The following HSD17B12 variants were observed in gnomAD, a reference collection of about 807,000 sequenced individuals.
HSD17B12 encodes the protein hydroxysteroid 17-beta dehydrogenase 12, also known as very-long-chain 3-oxoacyl-CoA reductase.
HSD17B12 carries 32 observed loss-of-function variants against 39.3 expected under a neutral mutation model. The ratio of observed to expected loss-of-function variants is 0.81; its 90% CI spans 0.61 to 1.09. The LOEUF (loss-of-function observed/expected upper bound fraction) is 1.09, where lower values mean the gene tolerates loss of function less well. Ranked by LOEUF, HSD17B12 falls within the 50% of genes least tolerant of loss-of-function variation. The pLI, the probability that HSD17B12 is intolerant of heterozygous loss-of-function variation, is 0.00. For synonymous variants in HSD17B12, 150 were observed against 146.7 expected (o/e 1.02, Z -0.16); for missense variants, 342 against 382.9 (o/e 0.89, Z 0.89).
chr11:43,820,288 C>T (rs768332702), intron 6 of HSD17B12, among the ~76,000 whole-genome samples: 3 of 152,174 alleles, frequency 2.0e-5, no homozygotes, highest in Non-Finnish European at 2.9e-5. Flanking sequence ...GGCAGAGTGA[C>T]ACGGTAATAG....
intron 1 of HSD17B12, among the ~76,000 whole-genome samples, chr11:43,743,013 A>C (rs927543097): frequency 6.6e-6 from 1 of 152,172 alleles, no homozygotes; most frequent in Non-Finnish European, 1.5e-5. Flanking sequence ...AATTTATAGA[A>C]TATCTAATAT....
intron 6 of HSD17B12, chr11:43,830,668 T>A: frequency 5.1e-6 from 1 of 196,072 alleles, no homozygotes. Context: ...TTTTGGGAAA[T>A]GTAGATTTTC....
chr11:43,701,641 G>A (rs1949965938), intron 1 of HSD17B12, among the ~76,000 whole-genome samples: 1 of 152,124 alleles, frequency 6.6e-6, no homozygotes, highest in Admixed American at 6.5e-5. Flanking sequence ...TTCACTGTAG[G>A]TGTGCAGATT....
chr11:43,558,049 T>C, the HSD17B12 span, among the ~76,000 whole-genome samples: 2 of 152,338 alleles, frequency 1.3e-5, no homozygotes, highest in South Asian at 4.1e-4. Context: ...TCCCTGCTGC[T>C]GCACAAAGCG....
chr11:43,574,639 GACACACACATCC>G, the HSD17B12 span, among the ~76,000 whole-genome samples: 1 of 152,010 alleles, frequency 6.6e-6, no homozygotes, highest in Non-Finnish European at 1.5e-5. Context: ...CACACCCTGA[GACACACACATCC>G]ACACACACAT....
At chr11:43,596,022 C>G in the HSD17B12 span, among the ~76,000 whole-genome samples, 3 of 152,232 alleles carry the variant, frequency 2.0e-5, no homozygotes, top group African/African-American at 7.2e-5. Context: ...TCAAGACCAT[C>G]CAGCCCAAAC....
the HSD17B12 span, among the ~76,000 whole-genome samples, chr11:43,580,790 TA>T: frequency 2.0e-5 from 3 of 152,036 alleles, no homozygotes; most frequent in Non-Finnish European, 2.9e-5. Context: ...GAAATGGAAA[TA>T]TTTTTTTCTC....
At chr11:43,653,616 G>A in the HSD17B12 span, among the ~76,000 whole-genome samples, 1 of 151,918 alleles carries the variant, frequency 6.6e-6, no homozygotes, top group African/African-American at 2.4e-5. Flanking sequence ...TGTTCTTATT[G>A]TTCTATTCCC....
intron 9 of HSD17B12, among the ~76,000 whole-genome samples, chr11:43,843,974 T>C (rs138495433): frequency 7.9e-5 from 12 of 152,372 alleles, no homozygotes; most frequent in African/African-American, 2.9e-4. Flanking sequence ...AAACTCTGGT[T>C]GTGCATGGTC....
intron 4 of HSD17B12, among the ~76,000 whole-genome samples, chr11:43,800,557 G>A (rs558906826): frequency 1.3e-5 from 2 of 152,268 alleles, no homozygotes; most frequent in East Asian, 3.9e-4. Context: ...ATATGGAAAG[G>A]CTTCAATATG....
chr11:43,643,434 G>A, the HSD17B12 span, among the ~76,000 whole-genome samples: 2 of 152,072 alleles, frequency 1.3e-5, no homozygotes, highest in African/African-American at 4.8e-5. Context: ...TCTCCTGAAA[G>A]AATGAACTCT....
the HSD17B12 span, among the ~76,000 whole-genome samples, chr11:43,581,094 G>T: frequency 6.6e-6 from 1 of 152,152 alleles, no homozygotes; most frequent in East Asian, 1.9e-4. The surrounding 1 kb of genome is among the most constrained non-coding windows in gnomAD (Gnocchi z 4.9). Context: ...ACAGGCAGGC[G>T]GGGAGGCTCC....
At chr11:43,633,982 G>A in the HSD17B12 span, among the ~76,000 whole-genome samples, 1 of 149,054 alleles carries the variant, frequency 6.7e-6, no homozygotes, top group Non-Finnish European at 1.5e-5. Flanking sequence ...GGTGAGGCAG[G>A]AGACTCGCTT....
the HSD17B12 span, among the ~76,000 whole-genome samples, chr11:43,611,099 A>C: frequency 6.6e-6 from 1 of 152,232 alleles, no homozygotes; most frequent in South Asian, 2.1e-4. Flanking sequence ...AGTATGTCAA[A>C]CCGTGAATCC....
chr11:43,681,894 G>A (rs1949749418), intron 1 of HSD17B12, among the ~76,000 whole-genome samples: 4 of 140,132 alleles, frequency 2.9e-5, no homozygotes. Context: ...TCGTCTCTTG[G>A]CCTTTTTTCC....
At chr11:43,822,587 G>GT (rs953845905) in intron 6 of HSD17B12, among the ~76,000 whole-genome samples, 4 of 152,054 alleles carry the variant, frequency 2.6e-5, no homozygotes, top group African/African-American at 4.8e-5. Flanking sequence ...GCGGTGTTTG[G>GT]TTTTTTGGCC....
chr11:43,580,311 G>T, the HSD17B12 span, among the ~76,000 whole-genome samples: 5 of 148,064 alleles, frequency 3.4e-5, no homozygotes, highest in Admixed American at 1.4e-4. Flanking sequence ...TGTGGGGTCA[G>T]GCAGTCAATG....
At chr11:43,772,683 A>G (rs1438750049) in intron 3 of HSD17B12, among the ~76,000 whole-genome samples, 3 of 152,236 alleles carry the variant, frequency 2.0e-5, no homozygotes, top group African/African-American at 7.2e-5. Context: ...GTATGAATGG[A>G]AAATAAGTCC....
intron 3 of HSD17B12, among the ~76,000 whole-genome samples, chr11:43,755,827 C>T (rs1282422444): frequency 3.3e-5 from 5 of 152,052 alleles, no homozygotes; most frequent in Admixed American, 6.6e-5. Context: ...AGAGTGTATT[C>T]GTCTGTTTTT....
Sources: allele counts gnomAD v4.1 joint callset (sites outside exome capture counted in the v4.1 genomes callset), GRCh38; gene constraint gnomAD v4.1.1; non-coding constraint Gnocchi (gnomAD v3.1); transcripts MANE v1.5; gene names NCBI Gene and HGNC (gene_info 2026-07-23, HGNC 2026-07-21).